CDH9: variants seen among roughly 807,000 people sequenced by gnomAD.
CDH9 encodes the protein cadherin 9.
Under a neutral mutation model 70.9 loss-of-function variants are expected in CDH9, and 28 were observed. The observed-to-expected ratio is 0.40, with a 90% CI of 0.29 to 0.54. CDH9 has a LOEUF of 0.54. Ranked by LOEUF, CDH9 falls within the 20% of genes least tolerant of loss-of-function variation. CDH9 has a pLI of 0.59. For synonymous variants in CDH9, 409 were observed against 343.1 expected (o/e 1.19, Z -2.12); for missense variants, 874 against 984.4 (o/e 0.89, Z 1.50).
In CDH9 at chr5:26,991,162, C is replaced by T. The variant is rs146342180; in HGVS notation, c.-49-2780G>A. Among the ~76,000 whole-genome samples the T allele has an allele frequency of 5.5e-3, 841 of 152,180 alleles. 8 individuals are homozygous for T. Among genetic ancestry groups the T allele is most frequent in the African/African-American group, 0.019 (779 of 41,506 alleles). ...CAGTTAGGGTCTTTTACTTCTAGTC[C>T]GGTAAGAGATGATGAAGGCATATAG... On this transcript the variant is annotated intron_variant, in intron 1 of 11. Transcript: ENST00000231021.
chr5:26,895,862 C>T (rs1740740486), intron 7 of CDH9, among the ~76,000 whole-genome samples: 1 of 152,084 alleles, frequency 6.6e-6, no homozygotes, highest in South Asian at 2.1e-4. Context: ...TAAATTTGAT[C>T]GTAGCAAACA....
chr5:26,904,494 AC>A (rs1351189136), intron 5 of CDH9, among the ~76,000 whole-genome samples: 1 of 152,082 alleles, frequency 6.6e-6, no homozygotes, highest in Admixed American at 6.6e-5. Context: ...TGCAGTCTAT[AC>A]AAGGTCTAAA....
At chr5:26,995,321 T>C (rs1360911205) in intron 1 of CDH9, among the ~76,000 whole-genome samples, 1 of 152,174 alleles carries the variant, frequency 6.6e-6, no homozygotes, top group Non-Finnish European at 1.5e-5. Context: ...TAGAAAGAGT[T>C]GAACTGGGAG....
chr5:26,916,459 T>A (rs1741151400), intron 2 of CDH9, among the ~76,000 whole-genome samples: 1 of 151,980 alleles, frequency 6.6e-6, no homozygotes, highest in Non-Finnish European at 1.5e-5. Context: ...CTGTGGAGTG[T>A]ACCGAAACCT....
intron 1 of CDH9, among the ~76,000 whole-genome samples, chr5:27,020,991 C>T (rs1432825073): frequency 1.3e-5 from 2 of 151,732 alleles, no homozygotes; most frequent in African/African-American, 4.8e-5. Flanking sequence ...GATAAATCAA[C>T]TAGTAAAACT....
At chr5:26,993,112 A>AG (rs1156530807) in intron 1 of CDH9, among the ~76,000 whole-genome samples, 1 of 151,964 alleles carries the variant, frequency 6.6e-6, no homozygotes, top group Non-Finnish European at 1.5e-5. Context: ...CAAAAAAAAA[A>AG]AAAAAAAGCA....
chr5:26,888,042 C>T (rs149154325), intron 9 of CDH9, among the ~76,000 whole-genome samples: 1 of 152,088 alleles, frequency 6.6e-6, no homozygotes, highest in Non-Finnish European at 1.5e-5. Flanking sequence ...GTCATGGCAG[C>T]CCTTGGAAAC....
intron 2 of CDH9, among the ~76,000 whole-genome samples, chr5:26,949,919 G>T (rs917538015): frequency 2.6e-5 from 4 of 152,166 alleles, no homozygotes; most frequent in African/African-American, 9.7e-5. Flanking sequence ...TAAAAAGAAA[G>T]GTTATGAGAT....
intron 1 of CDH9, among the ~76,000 whole-genome samples, chr5:26,991,120 T>C (rs1742573028): frequency 6.6e-6 from 1 of 152,154 alleles, no homozygotes; most frequent in African/African-American, 2.4e-5. Flanking sequence ...GGAAAGCGAT[T>C]TGGTTAAGAG....
At chr5:26,968,499 T>C (rs183159081) in intron 2 of CDH9, among the ~76,000 whole-genome samples, 2 of 152,282 alleles carry the variant, frequency 1.3e-5, no homozygotes, top group African/African-American at 4.8e-5. Context: ...TTGGCCAGGC[T>C]GGTCTTGAAC....
At chr5:26,913,131 C>T (rs936459584) in intron 3 of CDH9, among the ~76,000 whole-genome samples, 4 of 152,094 alleles carry the variant, frequency 2.6e-5, no homozygotes, top group Admixed American at 2.6e-4. Context: ...GACTAATACA[C>T]TCTGCATCTA....
chr5:26,906,851 C>A lies in CDH9; in HGVS notation c.524-13G>T. Reference sequence around the variant, plus strand: ...ATAACAGATGTACCTACATGAAACCCCCATCCCCAAACAGAGACATTTACA... The same window carrying A: ...ATAACAGATGTACCTACATGAAACCACCATCCCCAAACAGAGACATTTACA... On this transcript the variant is annotated splice_polypyrimidine_tract_variant and intron_variant, in intron 3 of 11. Transcript: ENST00000231021. The A allele has an allele frequency of 6.3e-7, 1 of 1,591,242 alleles. No homozygotes were observed.
chr5:26,960,261 G>A (rs1369282874), intron 2 of CDH9, among the ~76,000 whole-genome samples: 2 of 151,836 alleles, frequency 1.3e-5, no homozygotes, highest in African/African-American at 4.8e-5. Context: ...ATGTTCTAAG[G>A]ATACATTATT....
At chr5:26,918,135 C>T (rs1334734096) in intron 2 of CDH9, among the ~76,000 whole-genome samples, 1 of 152,162 alleles carries the variant, frequency 6.6e-6, no homozygotes, top group Non-Finnish European at 1.5e-5. Context: ...ACATTCTATA[C>T]ATAGCAATTG....
chr5:26,930,870 C>T (rs1741450676), intron 2 of CDH9, among the ~76,000 whole-genome samples: 1 of 151,978 alleles, frequency 6.6e-6, no homozygotes, highest in Admixed American at 6.6e-5. Context: ...TCACTTCAGC[C>T]ATAAATGTAT....
chr5:26,925,817 C>A (rs1440186205), intron 2 of CDH9, among the ~76,000 whole-genome samples: 1 of 152,196 alleles, frequency 6.6e-6, no homozygotes, highest in Admixed American at 6.6e-5. Flanking sequence ...ATCCTTTCCC[C>A]ATTTCCTGTT....
intron 2 of CDH9, among the ~76,000 whole-genome samples, chr5:26,933,731 G>A (rs1362291235): frequency 6.6e-6 from 1 of 151,544 alleles, no homozygotes; most frequent in East Asian, 1.9e-4. Flanking sequence ...AGTGAGCTGA[G>A]ATCAAGCCAC....
chr5:27,016,907 C>T (rs1183302999), intron 1 of CDH9, among the ~76,000 whole-genome samples: 1 of 151,870 alleles, frequency 6.6e-6, no homozygotes, highest in African/African-American at 2.4e-5. Context: ...GTCCATATCA[C>T]TTGGAGCTCT....
chr5:26,897,649 G>A (rs1450154094), intron 7 of CDH9, among the ~76,000 whole-genome samples: 3 of 152,048 alleles, frequency 2.0e-5, no homozygotes, highest in African/African-American at 7.2e-5. Context: ...CAATAAACTA[G>A]GTATGGAGGG....
Sources: allele counts gnomAD v4.1 joint callset (sites outside exome capture counted in the v4.1 genomes callset), GRCh38; gene constraint gnomAD v4.1.1; transcripts MANE v1.5; gene names NCBI Gene and HGNC (gene_info 2026-07-23, HGNC 2026-07-21).